The following FAM13B variants were observed in gnomAD, a reference collection of about 807,000 sequenced individuals.
The protein encoded by FAM13B is family with sequence similarity 13 member B, also known as protein FAM13B.
FAM13B carries 60 observed loss-of-function variants against 117.3 expected under a neutral mutation model. The observed-to-expected ratio is 0.51, with a 90% CI of 0.42 to 0.63. The LOEUF (loss-of-function observed/expected upper bound fraction) is 0.63, where lower values mean the gene tolerates loss of function less well. Among genes scored for constraint, FAM13B ranks in the 30% least tolerant of loss-of-function variants. The probability of loss-of-function intolerance (pLI) is 0.00; values close to 1 mark genes in which losing one functional copy is unlikely to be tolerated. For missense variants in FAM13B, 972 were observed against 1,091.9 expected, an observed-to-expected ratio of 0.89 and a Z score of 1.55; for synonymous variants, 332 against 356.1, an observed-to-expected ratio of 0.93 and a Z score of 0.76.
At chr5:137,998,477 T>G (rs1211072857) in intron 7 of FAM13B, among the ~76,000 whole-genome samples, 1 of 152,226 alleles carries the variant, frequency 6.6e-6, no homozygotes, top group Admixed American at 6.5e-5. Flanking sequence ...AGAGCTAAAC[T>G]AATCACTTTT....
rs547708979 is a variant in FAM13B at position 138,007,288 on chromosome 5, T to C, written c.691-141A>G. 6 of 602,458 alleles carry C rather than the reference T, an allele frequency of 1.0e-5. No individual in the cohort carries two copies. The South Asian group carries it at 2.0e-4, about 20-fold the overall frequency. The allele number at this position is 602,458 out of a possible 1,614,324, so 37.3% of individuals were successfully genotyped here. Reference sequence around the variant, plus strand: ...CCTAGGACCAATCTCTCTTATGGAGTAAGTAACTGTCAACTTTTTCATATC... The same window carrying C: ...CCTAGGACCAATCTCTCTTATGGAGCAAGTAACTGTCAACTTTTTCATATC... On this transcript the variant is annotated intron_variant, in intron 6 of 23. Transcript: ENST00000689681.
At chr5:138,000,431 C>A (rs1780930970) in intron 7 of FAM13B, among the ~76,000 whole-genome samples, 2 of 151,954 alleles carry the variant, frequency 1.3e-5, no homozygotes, top group Non-Finnish European at 2.9e-5. Context: ...ATAATTTTTT[C>A]TCAGTTTTAA....
intron 18 of FAM13B, among the ~76,000 whole-genome samples, chr5:137,947,149 T>C (rs1763650160): frequency 6.6e-6 from 1 of 152,364 alleles, no homozygotes; most frequent in East Asian, 1.9e-4. Flanking sequence ...CACCTGAATG[T>C]GTGTTCCACA....
At chr5:138,049,193 G>A (rs2151133048) in intron 1 of FAM13B, among the ~76,000 whole-genome samples, 1 of 152,242 alleles carries the variant, frequency 6.6e-6, no homozygotes, top group African/African-American at 2.4e-5. Flanking sequence ...CTGCCTGCCT[G>A]GGCCTCCCAA....
At chr5:138,031,575 C>T (rs1002768175) in intron 1 of FAM13B, among the ~76,000 whole-genome samples, 1 of 151,868 alleles carries the variant, frequency 6.6e-6, no homozygotes, top group African/African-American at 2.4e-5. Flanking sequence ...GTCCCAGCTA[C>T]TCAGGAGGCT....
chr5:138,043,430 TTTTC>T (rs1295991084), intron 1 of FAM13B, among the ~76,000 whole-genome samples: 3 of 151,676 alleles, frequency 2.0e-5, no homozygotes, highest in Admixed American at 6.6e-5. Flanking sequence ...TTATTCTTTT[TTTTC>T]TTTCTTTCTT....
rs993380354 is a variant in FAM13B, at chr5:137,946,157, T to C, written c.2244+71A>G. ...GCTCAAAAAACAGCCCTGAAGAATGTAGGCCACAAAATTGATTCATGTTCT... is the reference window on the plus strand; with the variant it reads ...GCTCAAAAAACAGCCCTGAAGAATGCAGGCCACAAAATTGATTCATGTTCT... On this transcript the variant is annotated intron_variant, in intron 19 of 23. Transcript: ENST00000689681. 20 of 1,391,380 alleles carry C rather than the reference T, an allele frequency of 1.4e-5. 1 individual carries two copies. Among genetic ancestry groups the C allele is most frequent in the Middle Eastern group, 3.6e-4 (2 of 5,602 alleles). The allele number at this position is 1,391,380 out of a possible 1,614,324, so 86.2% of individuals were successfully genotyped here.
intron 1 of FAM13B, among the ~76,000 whole-genome samples, chr5:138,024,877 TG>T (rs1787856068): frequency 8.2e-6 from 1 of 122,598 alleles, no homozygotes; most frequent in Non-Finnish European, 1.7e-5. Flanking sequence ...TTTTTTTGTT[TG>T]TTTTTTTTTT....
In FAM13B at chr5:137,939,371, T is replaced by C. The variant is rs1042598175; in HGVS notation, c.*854A>G. 2.0e-5 allele frequency: 3 copies of C among 152,720 alleles called. No homozygotes were observed. Among genetic ancestry groups the C allele is most frequent in the Admixed American group, 1.3e-4 (2 of 15,280 alleles). The allele number at this position is 152,720 out of a possible 1,614,324, so 9.5% of individuals were successfully genotyped here. A position where few individuals can be genotyped will look rare whatever the true frequency, so the allele number is the denominator to read the frequency against. On this transcript the variant is annotated 3_prime_UTR_variant, in exon 24 of 24. Coordinates refer to ENST00000689681, the MANE Select transcript of FAM13B (RefSeq NM_001385994.1). ...CAAATCTGAGCACCATCAGAGTTCC[T>C]ACATACTGACATGGCTATTTTCTCA...
chr5:138,032,736 T>A (rs1317279795), intron 1 of FAM13B, 46 bp downstream of exon 1: 4 of 985,388 alleles, frequency 4.1e-6, no homozygotes, highest in Non-Finnish European at 3.6e-6. Context: ...CGCGGCGACC[T>A]GCAACCCGCG....
intron 10 of FAM13B, among the ~76,000 whole-genome samples, chr5:137,967,579 T>C (rs755652793): frequency 4.6e-5 from 7 of 151,234 alleles, no homozygotes; most frequent in Non-Finnish European, 1.0e-4. Flanking sequence ...CAGAAAAATG[T>C]GGATGTGGAC....
At chr5:137,985,024 C>T (rs969674734) in intron 10 of FAM13B, among the ~76,000 whole-genome samples, 4 of 152,188 alleles carry the variant, frequency 2.6e-5, no homozygotes, top group Non-Finnish European at 5.9e-5. Flanking sequence ...CCGCCTTGGC[C>T]TCCCAAAGTG....
chr5:137,939,799 T>C lies in FAM13B; in HGVS notation c.*426A>G. On this transcript the variant is annotated 3_prime_UTR_variant, in exon 24 of 24. Transcript: ENST00000689681. ...GGCTTTTCTTTCAAATTTTCAGTCATTCTGTAAGAAAAAGGCAACAGAAGA... is the reference window on the plus strand; with the variant it reads ...GGCTTTTCTTTCAAATTTTCAGTCACTCTGTAAGAAAAAGGCAACAGAAGA... 6 of 1,175,564 alleles carry C rather than the reference T, an allele frequency of 5.1e-6. No individual in the cohort carries two copies. Among genetic ancestry groups the C allele is most frequent in the Non-Finnish European group, 6.4e-6 (6 of 942,330 alleles). The allele number at this position is 1,175,564 out of a possible 1,614,324, so 72.8% of individuals were successfully genotyped here. A position where few individuals can be genotyped will look rare whatever the true frequency, so the allele number is the denominator to read the frequency against.
chr5:137,983,211 A>C (rs897186296), intron 10 of FAM13B, among the ~76,000 whole-genome samples: 1 of 129,922 alleles, frequency 7.7e-6, no homozygotes, highest in African/African-American at 2.8e-5. Context: ...AAAAAAAAAA[A>C]AAAACCGAGT....
intron 18 of FAM13B, among the ~76,000 whole-genome samples, chr5:137,946,725 A>C (rs1041014622): frequency 6.6e-6 from 1 of 152,272 alleles, no homozygotes; most frequent in Non-Finnish European, 1.5e-5. Context: ...GAGTAAACAT[A>C]CATAACTGCT....
intron 1 of FAM13B, among the ~76,000 whole-genome samples, chr5:138,041,149 A>G (rs1312823162): frequency 2.0e-5 from 3 of 152,186 alleles, no homozygotes; most frequent in South Asian, 4.1e-4. Flanking sequence ...CAATAGTAAC[A>G]ATAGAAGCCA....
intron 4 of FAM13B, among the ~76,000 whole-genome samples, chr5:138,014,183 C>T (rs938720563): frequency 2.0e-5 from 3 of 152,210 alleles, no homozygotes; most frequent in South Asian, 2.1e-4. Context: ...GTGATCCTCC[C>T]GCCTCAGCCT....
At chr5:137,982,592 C>A (rs1223516167) in intron 10 of FAM13B, among the ~76,000 whole-genome samples, 4 of 152,120 alleles carry the variant, frequency 2.6e-5, no homozygotes, top group Non-Finnish European at 5.9e-5. Context: ...GAAAGGAATG[C>A]CCTTATCTCT....
At chr5:137,953,137 G>A (rs555123712) in intron 16 of FAM13B, among the ~76,000 whole-genome samples, 199 bp downstream of exon 16, 4 of 152,220 alleles carry the variant, frequency 2.6e-5, no homozygotes, top group South Asian at 2.1e-4. Context: ...AAGATGCCAC[G>A]GTGCAAATGG....
Sources: gnomAD v4.1 joint callset for allele counts (sites outside exome capture counted in the v4.1 genomes callset) on GRCh38, gnomAD v4.1.1 for gene constraint, MANE v1.5 for transcripts, NCBI Gene and HGNC (gene_info 2026-07-23, HGNC 2026-07-21) for gene names.